Variants in LMNTD1 observed in about 807,000 individuals in gnomAD.
LMNTD1 encodes lamin tail domain-containing protein 1.
A neutral mutation model predicts 50.9 loss-of-function variants in LMNTD1; 35 were observed. The observed-to-expected ratio is 0.69, with a 90% CI of 0.53 to 0.91. LMNTD1 has a LOEUF of 0.91. Among genes scored for constraint, LMNTD1 ranks in the 40% least tolerant of loss-of-function variants. The probability of loss-of-function intolerance (pLI) is 0.00; values close to 1 mark genes in which losing one functional copy is unlikely to be tolerated. For synonymous variants in LMNTD1, 153 were observed against 161.9 expected (o/e 0.94, Z 0.42); for missense variants, 470 against 475.5 (o/e 0.99, Z 0.11).
chr12:25,618,261 A>G (rs1946389434), intron 1 of LMNTD1, among the ~76,000 whole-genome samples: 2 of 152,172 alleles, frequency 1.3e-5, no homozygotes, highest in Non-Finnish European at 2.9e-5. Context: ...GAAAGTTCCA[A>G]GTGCCAGGCT....
At chr12:25,495,490 G>T (rs1225472456) in intron 9 of LMNTD1, among the ~76,000 whole-genome samples, 1 of 152,090 alleles carries the variant, frequency 6.6e-6, no homozygotes. Flanking sequence ...GAGTGCTGTT[G>T]CTAACTTGCA....
At chr12:25,619,252 C>CTCTCTATATA (rs1374134268) in intron 1 of LMNTD1, among the ~76,000 whole-genome samples, 39 of 84,420 alleles carry the variant, frequency 4.6e-4, no homozygotes, top group East Asian at 3.8e-3. Flanking sequence ...CTCTCTCTCT[C>CTCTCTATATA]TATATATATA....
intron 1 of LMNTD1, among the ~76,000 whole-genome samples, chr12:25,599,589 C>A (rs1945918209): frequency 6.6e-6 from 1 of 151,914 alleles, no homozygotes; most frequent in African/African-American, 2.4e-5. Flanking sequence ...AACTGCTAAA[C>A]AAATTCAATA....
At chr12:25,514,147 C>T (rs1391387340) in intron 8 of LMNTD1, among the ~76,000 whole-genome samples, 1 of 152,048 alleles carries the variant, frequency 6.6e-6, no homozygotes, top group Admixed American at 6.6e-5. Context: ...TGATTACGTA[C>T]CAATAACAAC....
intron 4 of LMNTD1, among the ~76,000 whole-genome samples, chr12:25,541,593 T>C (rs11048102): frequency 0.85 from 44,196 of 51,876 alleles, 19,469 homozygotes; most frequent in East Asian, 0.97. Flanking sequence ...AAGACTTAAA[T>C]GTTAGACCTA....
chr12:25,610,057 G>A (rs554210673), intron 1 of LMNTD1, among the ~76,000 whole-genome samples: 76 of 152,258 alleles, frequency 5.0e-4, no homozygotes, highest in Non-Finnish European at 7.1e-4. Context: ...AATGGCGGAC[G>A]CCCCTTCCCC....
In LMNTD1 at chr12:25,612,328, A is replaced by ACACACACACGCG. The variant is rs34069424; in HGVS notation, c.58+36165_58+36166insCGCGTGTGTGTG. On this transcript the variant is annotated intron_variant, in intron 1 of 7. Coordinates refer to the LMNTD1 transcript ENST00000445693. ...CACACACACACACACACACACACAC[A>ACACACACACGCG]CGCGCTCCCACTGTCAACAACACTG... Among the ~76,000 whole-genome samples the ACACACACACGCG allele has an allele frequency of 5.3e-4, 78 of 146,522 alleles. 1 individual carries two copies. Among genetic ancestry groups the ACACACACACGCG allele is most frequent in the East Asian group, 5.2e-3 (26 of 4,960 alleles).
At chr12:25,582,951 G>T (rs1177969930) in intron 1 of LMNTD1, among the ~76,000 whole-genome samples, 1 of 152,000 alleles carries the variant, frequency 6.6e-6, no homozygotes, top group African/African-American at 2.4e-5. Flanking sequence ...GGGCTCAAAT[G>T]ATCCTCCTGC....
chr12:25,518,365 G>C (rs756203589), intron 8 of LMNTD1, among the ~76,000 whole-genome samples: 1 of 152,186 alleles, frequency 6.6e-6, no homozygotes, highest in Non-Finnish European at 1.5e-5. Flanking sequence ...TTATTTAGAG[G>C]ACTTAAGAAA....
At chr12:25,531,771 G>A (rs1298488900) in intron 4 of LMNTD1, among the ~76,000 whole-genome samples, 4 of 151,982 alleles carry the variant, frequency 2.6e-5, no homozygotes, top group African/African-American at 9.7e-5. Context: ...TTAATTAGAA[G>A]TAGATTAAAA....
rs754047239 is a variant in LMNTD1, at chr12:25,518,944, A to G, written c.1040T>C (p.Val347Ala). 6.2e-7 allele frequency: 1 copy of G among 1,614,098 alleles called. No individual in the cohort carries two copies. The highest frequency in any genetic ancestry group is 8.5e-7 in the Non-Finnish European group (1 of 1,180,000). The change falls in exon 8 of 10, where the codon GTT (valine) becomes GCT (alanine). Residue 347 changes from valine (V) to alanine (A), a missense_variant. Transcript: ENST00000458174. Reference sequence around the variant, plus strand: ...GCACCAAGGGCTGCGATTAGGGAAAACGGTTGGTGGGATTTCCTTCTCTCT... The same window carrying G: ...GCACCAAGGGCTGCGATTAGGGAAAGCGGTTGGTGGGATTTCCTTCTCTCT... ...LKREKEIPPT[V>A]FPNRSPWCQN...
intron 9 of LMNTD1, among the ~76,000 whole-genome samples, chr12:25,482,790 C>G (rs1030197692): frequency 6.6e-6 from 1 of 151,920 alleles, no homozygotes; most frequent in Non-Finnish European, 1.5e-5. Flanking sequence ...CTTGAAGAGG[C>G]ACACGCTTAG....
chr12:25,476,658 T>G (rs1565931104), intron 9 of LMNTD1, among the ~76,000 whole-genome samples, 198 bp from the exon 10 acceptor site: 1 of 152,186 alleles, frequency 6.6e-6, no homozygotes, highest in Non-Finnish European at 1.5e-5. Context: ...GCATGGATGC[T>G]TGGGTTGAAT....
At chr12:25,507,642 C>T (rs1470840033) in intron 8 of LMNTD1, among the ~76,000 whole-genome samples, 1 of 152,182 alleles carries the variant, frequency 6.6e-6, no homozygotes, top group Non-Finnish European at 1.5e-5. Flanking sequence ...AGCACACACT[C>T]CCAGGGCATG....
chr12:25,578,923 A>G (rs575060722), intron 1 of LMNTD1, among the ~76,000 whole-genome samples: 1 of 152,294 alleles, frequency 6.6e-6, no homozygotes, highest in African/African-American at 2.4e-5. Flanking sequence ...ATTGACCCAA[A>G]CCATCTAACC....
At chr12:25,556,030 T>C (rs955026960), upstream of LMNTD1, among the ~76,000 whole-genome samples, 5 of 133,834 alleles carry the variant, frequency 3.7e-5, no homozygotes, top group South Asian at 2.4e-4. Context: ...TGGAGTGCAA[T>C]GGTGCAATCT....
At chr12:25,645,891 G>A (rs1947060541) in intron 1 of LMNTD1, among the ~76,000 whole-genome samples, 1 of 152,176 alleles carries the variant, frequency 6.6e-6, no homozygotes, top group Non-Finnish European at 1.5e-5. Flanking sequence ...AAGGAGCCAT[G>A]TCACTACTGC....
chr12:25,543,876 T>C (rs1943261418), intron 4 of LMNTD1, among the ~76,000 whole-genome samples: 1 of 152,030 alleles, frequency 6.6e-6, no homozygotes, highest in Admixed American at 6.6e-5. Flanking sequence ...TTTCTTAATT[T>C]CCATGTGTTT....
At chr12:25,592,698 G>C (rs1273595720) in intron 1 of LMNTD1, 1 of 152,324 alleles carries the variant, frequency 6.6e-6, no homozygotes, top group African/African-American at 2.4e-5. Context: ...AGTTTGAACT[G>C]ATTGAGAAGT....
Sources: gnomAD v4.1 joint callset for allele counts (sites outside exome capture counted in the v4.1 genomes callset) on GRCh38, gnomAD v4.1.1 for gene constraint, MANE v1.5 for transcripts, NCBI Gene and HGNC (gene_info 2026-07-23, HGNC 2026-07-21) for gene names.